The following GPHN variants were observed in gnomAD, a reference collection of about 807,000 sequenced individuals.
GPHN encodes gephyrin.
In GPHN, 17 loss-of-function variants were observed where a neutral mutation model predicts 95.5. The ratio of observed to expected loss-of-function variants is 0.18; its 90% CI spans 0.12 to 0.27. The LOEUF is 0.27. Ranked by LOEUF, GPHN falls within the 10% of genes least tolerant of loss-of-function variation. GPHN has a pLI of 1.00. For missense variants in GPHN, 660 were observed against 978.1 expected, an observed-to-expected ratio of 0.67 and a Z score of 4.34; for synonymous variants, 320 against 322.5, an observed-to-expected ratio of 0.99 and a Z score of 0.08.
the GPHN span, chr14:67,663,046 T>A: frequency 7.0e-7 from 1 of 1,433,054 alleles, no homozygotes; most frequent in Non-Finnish European, 9.1e-7. Context: ...GCTGAGAGGC[T>A]GTCTGGTGTG....
the GPHN span, chr14:67,690,121 G>A: frequency 8.9e-7 from 1 of 1,121,556 alleles, no homozygotes; most frequent in South Asian, 1.3e-5. Flanking sequence ...GTCCTCTCCA[G>A]GTGATGGGCT....
At chr14:67,693,546 C>T in the GPHN span, among the ~76,000 whole-genome samples, 2 of 151,048 alleles carry the variant, frequency 1.3e-5, no homozygotes, top group African/African-American at 2.4e-5. Flanking sequence ...CACGCATGCA[C>T]ATACACACTT....
the GPHN span, chr14:67,587,246 T>C: frequency 1.2e-6 from 2 of 1,613,456 alleles, no homozygotes; most frequent in Non-Finnish European, 1.7e-6. Flanking sequence ...ATATTTCTCC[T>C]ACCCGATTCC....
chr14:67,140,524 T>C (rs2080391488), intron 17 of GPHN, among the ~76,000 whole-genome samples: 1 of 152,334 alleles, frequency 6.6e-6, no homozygotes, highest in Admixed American at 6.5e-5. Context: ...TACAGTAGCT[T>C]TACAATAATT....
the GPHN span, among the ~76,000 whole-genome samples, chr14:67,387,755 C>A: frequency 2.6e-5 from 4 of 152,186 alleles, no homozygotes; most frequent in Non-Finnish European, 5.9e-5. Context: ...TCATTTACAT[C>A]AAAGAATCCA....
At chr14:67,622,077 G>A in the GPHN span, among the ~76,000 whole-genome samples, 6 of 152,118 alleles carry the variant, frequency 3.9e-5, no homozygotes, top group Admixed American at 3.9e-4. Context: ...GTGACAGAAT[G>A]AGACTCCATC....
At chr14:67,622,420 A>G in the GPHN span, among the ~76,000 whole-genome samples, 2 of 152,294 alleles carry the variant, frequency 1.3e-5, no homozygotes, top group East Asian at 3.9e-4. Flanking sequence ...CTCCACCTAC[A>G]TATGGATATG....
At chr14:67,382,579 G>A in the GPHN span, 1 of 1,613,900 alleles carries the variant, frequency 6.2e-7, no homozygotes, top group Non-Finnish European at 8.5e-7. Context: ...TGTGTTCAAT[G>A]TTCAAATGGA....
At chr14:67,204,561 T>C in the GPHN span, 2 of 1,613,510 alleles carry the variant, frequency 1.2e-6, no homozygotes, top group African/African-American at 1.3e-5. Flanking sequence ...AGTTTGTGAC[T>C]CTTTCTGTGC....
chr14:67,336,121 C>T, the GPHN span: 1 of 152,346 alleles, frequency 6.6e-6, no homozygotes, highest in East Asian at 1.9e-4. Flanking sequence ...GCAAATGGAC[C>T]TTATGTGCAG....
intron 1 of GPHN, among the ~76,000 whole-genome samples, chr14:66,599,987 ATCT>A (rs1453225104): frequency 3.3e-5 from 5 of 152,092 alleles, no homozygotes; most frequent in South Asian, 2.1e-4. Flanking sequence ...TGAACATATA[ATCT>A]TCTGTTAATA....
chr14:66,754,809 T>A (rs1248697098), intron 2 of GPHN, among the ~76,000 whole-genome samples: 1 of 152,020 alleles, frequency 6.6e-6, no homozygotes, highest in East Asian at 1.9e-4. Flanking sequence ...GTGCTATGAA[T>A]GTGAACTGTG....
At chr14:66,839,451 C>T (rs766129550) in intron 4 of GPHN, among the ~76,000 whole-genome samples, 2 of 152,192 alleles carry the variant, frequency 1.3e-5, no homozygotes, top group Non-Finnish European at 2.9e-5. Context: ...GAATAATCCT[C>T]AGGCTAAACC....
the GPHN span, among the ~76,000 whole-genome samples, chr14:67,266,646 T>A: frequency 6.6e-6 from 1 of 152,096 alleles, no homozygotes; most frequent in Admixed American, 6.6e-5. Flanking sequence ...AGTTTTTACT[T>A]GTATTTATTT....
chr14:67,513,384 A>G, the GPHN span, among the ~76,000 whole-genome samples: 3 of 152,196 alleles, frequency 2.0e-5, no homozygotes, highest in Non-Finnish European at 2.9e-5. Context: ...CTTTAGCCAC[A>G]AATTGCAGGG....
chr14:67,681,482 T>C, the GPHN span, among the ~76,000 whole-genome samples: 1 of 152,144 alleles, frequency 6.6e-6, no homozygotes, highest in African/African-American at 2.4e-5. Flanking sequence ...CCTCATATCA[T>C]ATACAAAAAT....
chr14:67,230,133 G>T, the GPHN span, among the ~76,000 whole-genome samples: 3 of 152,120 alleles, frequency 2.0e-5, no homozygotes, highest in African/African-American at 4.8e-5. Flanking sequence ...CACTTGGGGG[G>T]AAAAAGATTA....
chr14:67,386,406 T>A, the GPHN span: 1 of 152,338 alleles, frequency 6.6e-6, no homozygotes, highest in Non-Finnish European at 1.5e-5. Flanking sequence ...ATGTATTTTA[T>A]CTGTTGATTA....
the GPHN span, among the ~76,000 whole-genome samples, chr14:67,323,102 T>C: frequency 6.6e-6 from 1 of 152,016 alleles, no homozygotes; most frequent in Non-Finnish European, 1.5e-5. Flanking sequence ...ACTAGGTGTT[T>C]TAATATCACA....
Sources: allele counts gnomAD v4.1 joint callset (sites outside exome capture counted in the v4.1 genomes callset), GRCh38; gene constraint gnomAD v4.1.1; transcripts MANE v1.5; gene names NCBI Gene and HGNC (gene_info 2026-07-23, HGNC 2026-07-21).